Variants in TAFA2 observed in about 807,000 individuals in gnomAD.
TAFA2 encodes TAFA chemokine like family member 2, also known as chemokine-like protein TAFA-2.
TAFA2 carries 7 observed loss-of-function variants against 18.8 expected under a neutral mutation model. The observed-to-expected ratio is 0.37, with a 90% CI of 0.21 to 0.70. TAFA2 has a LOEUF of 0.70. Ranked by LOEUF, TAFA2 falls within the 30% of genes least tolerant of loss-of-function variation. TAFA2 has a pLI of 0.53. For missense variants in TAFA2, 122 were observed against 158.1 expected (o/e 0.77, Z 1.23); for synonymous variants, 60 against 54.2 (o/e 1.11, Z -0.47).
Position 62,192,524 on chromosome 12 carries a change from T to A in TAFA2, c.-1267A>T, listed in dbSNP as rs1186086653. The A allele has an allele frequency of 6.6e-6, 1 of 152,338 alleles. No individual in the cohort carries two copies. Among genetic ancestry groups the A allele is most frequent in the Admixed American group, 6.5e-5 (1 of 15,280 alleles). The allele number at this position is 152,338 out of a possible 1,614,324, so 9.4% of individuals were successfully genotyped here. Reference sequence around the variant, plus strand: ...ATGCTATACTGTCAAAAGACACTGATGCTAATCTTTTAGAAAGTCGCCATA... The same window carrying A: ...ATGCTATACTGTCAAAAGACACTGAAGCTAATCTTTTAGAAAGTCGCCATA... On this transcript the variant is annotated 5_prime_UTR_variant, in exon 1 of 5. Coordinates refer to ENST00000416284, the MANE Select transcript of TAFA2 (RefSeq NM_178539.5).
At position 61,832,626 on chromosome 12, in the gene TAFA2, T is replaced by C. The variant is rs116207706; in HGVS notation, c.106+34694A>G. Among the ~76,000 whole-genome samples the C allele has an allele frequency of 5.5e-3, 832 of 152,206 alleles. 3 individuals are homozygous for C. Among genetic ancestry groups the C allele is most frequent in the African/African-American group, 0.019 (799 of 41,554 alleles). The stretch of plus-strand genomic sequence containing the variant: ...AAGGTGGTTTGTAATGCAGGAATGT[T>C]ACACCAGAACATTAACAGCCCTACT... On this transcript the variant is annotated intron_variant, in intron 2 of 4. Coordinates refer to ENST00000416284, the MANE Select transcript of TAFA2 (RefSeq NM_178539.5).
chr12:61,994,725 TTG>T (rs964163096), intron 1 of TAFA2, among the ~76,000 whole-genome samples: 19 of 152,186 alleles, frequency 1.2e-4, no homozygotes, highest in Non-Finnish European at 1.5e-5. Flanking sequence ...TTTGACACAG[TTG>T]TCCACTCAAT....
intron 2 of TAFA2, among the ~76,000 whole-genome samples, chr12:61,784,553 C>A (rs746599323): frequency 4.6e-5 from 7 of 151,338 alleles, no homozygotes; most frequent in Non-Finnish European, 1.0e-4. Flanking sequence ...TTCTCACAGT[C>A]CAGTAAAAGG....
At chr12:61,790,425 G>T (rs1870927908) in intron 2 of TAFA2, among the ~76,000 whole-genome samples, 1 of 151,768 alleles carries the variant, frequency 6.6e-6, no homozygotes, top group Non-Finnish European at 1.5e-5. Context: ...GAAAGTCAAA[G>T]TGTTTCTGTT....
In TAFA2 at chr12:62,081,983, C is replaced by A. The variant is rs369523025; in HGVS notation, c.-2+109276G>T. On this transcript the variant is annotated intron_variant, in intron 1 of 4. Coordinates refer to ENST00000416284, the MANE Select transcript of TAFA2 (RefSeq NM_178539.5). ...CGACAGGCCCCAGTGTATGTTGTTA[C>A]CCCCATGTGTCCATGTGTTCTCATT... Among the ~76,000 whole-genome samples, 214 of 147,796 alleles carry A rather than the reference C, an allele frequency of 1.4e-3. 1 individual carries two copies. The highest frequency in any genetic ancestry group is 4.8e-3 in the African/African-American group (193 of 40,558).
At chr12:61,758,014 A>G (rs1869357745) in intron 2 of TAFA2, among the ~76,000 whole-genome samples, 1 of 152,054 alleles carries the variant, frequency 6.6e-6, no homozygotes, top group Non-Finnish European at 1.5e-5. Flanking sequence ...CAATCTTCAT[A>G]GGATTAACTG....
At chr12:62,100,925 T>C (rs1040463757) in intron 1 of TAFA2, among the ~76,000 whole-genome samples, 2 of 152,206 alleles carry the variant, frequency 1.3e-5, no homozygotes, top group Non-Finnish European at 1.5e-5. Context: ...TTAAGTGATA[T>C]AGGTATGTCA....
At chr12:62,008,355 A>G (rs1034682474) in intron 1 of TAFA2, among the ~76,000 whole-genome samples, 1 of 152,208 alleles carries the variant, frequency 6.6e-6, no homozygotes, top group African/African-American at 2.4e-5. Flanking sequence ...GTGGTTAAAT[A>G]TCAAATATTT....
intron 1 of TAFA2, among the ~76,000 whole-genome samples, chr12:62,219,143 A>C (rs2062749893): frequency 6.6e-6 from 1 of 152,254 alleles, no homozygotes; most frequent in Non-Finnish European, 1.5e-5. Flanking sequence ...GTAAGATTAT[A>C]TCTCTGCAAA....
chr12:61,710,405 G>A lies in TAFA2; in HGVS notation c.*1C>T. ...TTGAGGATCACTTGATTTCTCCTGG[G>A]TTAATGGGTTACCTACAAAGGAAGG... is the stretch of plus-strand genomic sequence containing the variant. On this transcript the variant is annotated 3_prime_UTR_variant, in exon 5 of 5. Coordinates refer to ENST00000416284, the MANE Select transcript of TAFA2 (RefSeq NM_178539.5). The A allele has an allele frequency of 2.5e-6, 4 of 1,608,646 alleles. No individual in the cohort carries two copies. The highest frequency in any genetic ancestry group is 3.4e-6 in the Non-Finnish European group (4 of 1,175,378).
intron 1 of TAFA2, among the ~76,000 whole-genome samples, chr12:62,036,378 T>TA (rs1881612223): frequency 6.6e-6 from 1 of 152,182 alleles, no homozygotes; most frequent in Non-Finnish European, 1.5e-5. Flanking sequence ...AGCTGCCAGA[T>TA]AAATAAATGC....
chr12:61,719,211 C>G (rs377580051), intron 4 of TAFA2, among the ~76,000 whole-genome samples: 49 of 152,218 alleles, frequency 3.2e-4, no homozygotes, highest in African/African-American at 1.2e-3. Flanking sequence ...GTAATAGTAG[C>G]CTTTCCCCAA....
At chr12:61,738,090 A>G (rs1179069019) in intron 4 of TAFA2, among the ~76,000 whole-genome samples, 2 of 152,024 alleles carry the variant, frequency 1.3e-5, no homozygotes, top group East Asian at 1.9e-4. Flanking sequence ...CTGAATATCT[A>G]TAAACACTTT....
At chr12:61,927,774 C>T (rs1258413397) in intron 1 of TAFA2, among the ~76,000 whole-genome samples, 1 of 152,190 alleles carries the variant, frequency 6.6e-6, no homozygotes, top group Non-Finnish European at 1.5e-5. Context: ...TACAAGGCTA[C>T]AGTAACCAAA....
chr12:62,065,303 G>A lies in TAFA2; in HGVS notation c.-2+125956C>T, dbSNP rs116897539. Reference sequence around the variant, plus strand: ...CTGAGCACAGAACATCAGTCCAAACGTCAACAATATTAATATGAGTAGTAA... The same window carrying A: ...CTGAGCACAGAACATCAGTCCAAACATCAACAATATTAATATGAGTAGTAA... On this transcript the variant is annotated intron_variant, in intron 1 of 4. Coordinates refer to ENST00000416284, the MANE Select transcript of TAFA2 (RefSeq NM_178539.5). Among the ~76,000 whole-genome samples the A allele has an allele frequency of 5.7e-4, 86 of 152,056 alleles. 1 individual carries two copies. The East Asian group carries it at 0.015, about 26-fold the overall frequency.
At chr12:61,924,922 C>A (rs1172161446) in intron 1 of TAFA2, among the ~76,000 whole-genome samples, 2 of 151,684 alleles carry the variant, frequency 1.3e-5, no homozygotes, top group Non-Finnish European at 2.9e-5. Context: ...AGCAAAAAAC[C>A]CACGGGGTGC....
chr12:61,735,356 C>T (rs368587293), intron 4 of TAFA2, among the ~76,000 whole-genome samples: 13 of 151,878 alleles, frequency 8.6e-5, no homozygotes, highest in African/African-American at 3.1e-4. Context: ...TCCAGATTGG[C>T]AATCTTTGTA....
chr12:62,099,977 A>C (rs1262513408), intron 1 of TAFA2, among the ~76,000 whole-genome samples: 1 of 152,224 alleles, frequency 6.6e-6, no homozygotes, highest in Non-Finnish European at 1.5e-5. Context: ...ATTCTTTTAA[A>C]GTAGAAAATA....
chr12:62,215,945 A>G (rs1390045237), intron 1 of TAFA2, among the ~76,000 whole-genome samples: 1 of 152,090 alleles, frequency 6.6e-6, no homozygotes, highest in Non-Finnish European at 1.5e-5. Context: ...TTGCCCATCA[A>G]AAGATGGGGT....
Sources: gnomAD v4.1 joint callset for allele counts (sites outside exome capture counted in the v4.1 genomes callset) on GRCh38, gnomAD v4.1.1 for gene constraint, MANE v1.5 for transcripts, NCBI Gene and HGNC (gene_info 2026-07-23, HGNC 2026-07-21) for gene names.